NFIB: variants seen among roughly 807,000 people sequenced by gnomAD.
NFIB encodes nuclear factor 1 B-type.
NFIB carries 11 observed loss-of-function variants against 61.5 expected under a neutral mutation model. The ratio of observed to expected loss-of-function variants is 0.18; its 90% CI spans 0.11 to 0.30. NFIB has a LOEUF of 0.30. NFIB is among the 10% of genes least tolerant of loss of function. The pLI, the probability that NFIB is intolerant of heterozygous loss-of-function variation, is 1.00. For synonymous variants in NFIB, 260 were observed against 216.5 expected (o/e 1.20, Z -1.76); for missense variants, 471 against 608.9 (o/e 0.77, Z 2.38).
chr9:14,181,904 T>G lies in NFIB; in HGVS notation c.563-2124A>C, dbSNP rs1343854582. On this transcript the variant is annotated intron_variant, in intron 2 of 10. Coordinates refer to ENST00000380953, the MANE Select transcript of NFIB (RefSeq NM_001190737.2). Reference sequence around the variant, plus strand: ...GCAGCAGTCGCCTTATTTCAGGAGTTGTAGACTCTGCATGAGCCTTAGCAT... The same window carrying G: ...GCAGCAGTCGCCTTATTTCAGGAGTGGTAGACTCTGCATGAGCCTTAGCAT... Among the ~76,000 whole-genome samples the G allele has an allele frequency of 3.3e-5, 5 of 152,196 alleles. No homozygotes were observed. In the East Asian group the frequency reaches 9.6e-4, roughly 29 times the overall value.
chr9:14,171,672 G>A (rs2045578698), intron 3 of NFIB, among the ~76,000 whole-genome samples: 1 of 152,022 alleles, frequency 6.6e-6, no homozygotes, highest in Non-Finnish European at 1.5e-5. Context: ...GGTGACTCCA[G>A]GATATCTTAA....
At chr9:14,429,583 G>A in the NFIB span, among the ~76,000 whole-genome samples, 5 of 152,352 alleles carry the variant, frequency 3.3e-5, no homozygotes, top group South Asian at 8.3e-4. Flanking sequence ...CTGAGCTACA[G>A]AGGGAAGAAA....
At chr9:14,343,096 A>T (rs1466483026) in intron 1 of NFIB, among the ~76,000 whole-genome samples, 1 of 152,060 alleles carries the variant, frequency 6.6e-6, no homozygotes, top group African/African-American at 2.4e-5. Context: ...CATTTTGCCA[A>T]CCCTGTACCA....
At chr9:14,380,561 T>C (rs765021494) in intron 1 of NFIB, among the ~76,000 whole-genome samples, 2 of 152,150 alleles carry the variant, frequency 1.3e-5, no homozygotes, top group Non-Finnish European at 2.9e-5. Flanking sequence ...ACATGGGAAA[T>C]GATTAGAGCA....
At chr9:14,405,614 A>G in the NFIB span, among the ~76,000 whole-genome samples, 14 of 127,482 alleles carry the variant, frequency 1.1e-4, no homozygotes, top group African/African-American at 4.0e-4. Context: ...AGCAATTTCC[A>G]AAAAAAATGG....
chr9:14,220,537 C>G (rs1210451147), intron 2 of NFIB, among the ~76,000 whole-genome samples: 1 of 152,204 alleles, frequency 6.6e-6, no homozygotes, highest in Non-Finnish European at 1.5e-5. Context: ...GGAGCCCCGC[C>G]TGGGAGCCCC....
rs565314990 is a variant in NFIB, at chr9:14,313,877, G to A, written c.-366C>T. 9.9e-6 allele frequency: 11 copies of A among 1,115,974 alleles called. No individual in the cohort carries two copies. The highest frequency in any genetic ancestry group is 3.4e-5 in the South Asian group (1 of 29,188). 69.1% of individuals were successfully genotyped at this position (1,115,974 alleles called of 1,614,324 possible). On this transcript the variant is annotated 5_prime_UTR_variant, in exon 1 of 11. Coordinates refer to ENST00000380953, the MANE Select transcript of NFIB (RefSeq NM_001190737.2). The surrounding 1 kb of genome is among the most constrained non-coding windows in gnomAD (Gnocchi z 4.5). ...TGTTGTTGTTGTTGGGGTGTAGGGG[G>A]TGCGCGAAGGTTCGGTGTGGGTTGG...
chr9:14,158,532 G>C (rs747543430), intron 3 of NFIB, among the ~76,000 whole-genome samples: 1 of 152,196 alleles, frequency 6.6e-6, no homozygotes, highest in East Asian at 1.9e-4. Flanking sequence ...ACTGGGTTTT[G>C]TTCATCTCTA....
the NFIB span, among the ~76,000 whole-genome samples, chr9:14,460,833 C>A: frequency 1.3e-5 from 2 of 152,080 alleles, no homozygotes; most frequent in Admixed American, 6.5e-5. Context: ...GTGTAACATA[C>A]AAGGCCTTCC....
intron 1 of NFIB, among the ~76,000 whole-genome samples, chr9:14,373,888 A>G (rs1365244659): frequency 2.0e-5 from 3 of 152,208 alleles, no homozygotes; most frequent in African/African-American, 7.2e-5. Flanking sequence ...AAGCAAGGAA[A>G]TATCTCTAAG....
At chr9:14,240,641 T>G (rs779959070) in intron 2 of NFIB, among the ~76,000 whole-genome samples, 1 of 152,172 alleles carries the variant, frequency 6.6e-6, no homozygotes, top group Non-Finnish European at 1.5e-5. Context: ...AAGCAAAGTA[T>G]AGTAACAGCC....
At chr9:14,460,964 G>A in the NFIB span, among the ~76,000 whole-genome samples, 70 of 151,918 alleles carry the variant, frequency 4.6e-4, 1 homozygote, top group African/African-American at 1.6e-3. Context: ...AACTTTATAC[G>A]TCTCTGTTTA....
the NFIB span, chr9:14,532,051 G>C: frequency 6.6e-6 from 1 of 152,624 alleles, no homozygotes; most frequent in Non-Finnish European, 1.5e-5. Flanking sequence ...ATCAGATGCA[G>C]CTCAATGGAA....
intron 8 of NFIB, among the ~76,000 whole-genome samples, chr9:14,119,033 C>T (rs576559816): frequency 6.6e-6 from 1 of 151,906 alleles, no homozygotes; most frequent in Non-Finnish European, 1.5e-5. Context: ...TCCAATGGAA[C>T]TCTAAGATTT....
chr9:14,266,824 C>T (rs974952923), intron 2 of NFIB, among the ~76,000 whole-genome samples: 1 of 151,696 alleles, frequency 6.6e-6, no homozygotes, highest in African/African-American at 2.4e-5. Flanking sequence ...CGGTCAGATC[C>T]TAAGCACCAA....
the NFIB span, among the ~76,000 whole-genome samples, chr9:14,527,826 A>C: frequency 6.6e-6 from 1 of 152,144 alleles, no homozygotes. Context: ...ATTCAATTAC[A>C]TTTCTAGAAA....
chr9:14,525,262 A>T, the NFIB span, among the ~76,000 whole-genome samples: 3 of 152,192 alleles, frequency 2.0e-5, no homozygotes, highest in Non-Finnish European at 4.4e-5. Context: ...CAAACACCTT[A>T]CCATGGTCAC....
chr9:14,383,034 A>C (rs1242394754), intron 1 of NFIB, among the ~76,000 whole-genome samples: 2 of 152,122 alleles, frequency 1.3e-5, no homozygotes, highest in Admixed American at 1.3e-4. Context: ...CCTCAATAAA[A>C]CCAGTGTGGA....
the NFIB span, among the ~76,000 whole-genome samples, chr9:14,469,428 T>C: frequency 1.3e-5 from 2 of 152,212 alleles, no homozygotes; most frequent in African/African-American, 2.4e-5. Context: ...TACTGTATTA[T>C]TCTCACTGGT....
Sources: gnomAD v4.1 joint callset for allele counts (sites outside exome capture counted in the v4.1 genomes callset) on GRCh38, gnomAD v4.1.1 for gene constraint, Gnocchi (gnomAD v3.1) non-coding constraint, MANE v1.5 for transcripts, NCBI Gene and HGNC (gene_info 2026-07-23, HGNC 2026-07-21) for gene names.